Variants in FLT1 observed in about 807,000 individuals in gnomAD.
FLT1 encodes vascular endothelial growth factor receptor 1.
FLT1 carries 49 observed loss-of-function variants against 156.3 expected under a neutral mutation model. The observed-to-expected ratio is 0.31, with a 90% CI of 0.25 to 0.40. The LOEUF (loss-of-function observed/expected upper bound fraction) is 0.40. FLT1 is among the 10% of genes least tolerant of loss of function. The pLI, the probability that FLT1 is intolerant of heterozygous loss-of-function variation, is 1.00. For missense variants in FLT1, 1,322 were observed against 1,637.2 expected, an observed-to-expected ratio of 0.81 and a Z score of 3.32; for synonymous variants, 594 against 583.8, an observed-to-expected ratio of 1.02 and a Z score of -0.25.
intron 15 of FLT1, among the ~76,000 whole-genome samples, chr13:28,354,736 A>G (rs1358091710): frequency 6.6e-6 from 1 of 152,190 alleles, no homozygotes; most frequent in Non-Finnish European, 1.5e-5. Flanking sequence ...CCAAAAAACT[A>G]CAAAAAGCAG....
chr13:28,343,222 A>G (rs1872413516), intron 16 of FLT1, among the ~76,000 whole-genome samples: 1 of 151,736 alleles, frequency 6.6e-6, no homozygotes, highest in South Asian at 2.1e-4. Context: ...ACCTCAGGTG[A>G]TCCACCCACC....
intron 11 of FLT1, among the ~76,000 whole-genome samples, chr13:28,402,789 A>G (rs1875534079): frequency 6.6e-6 from 1 of 151,842 alleles, no homozygotes; most frequent in Non-Finnish European, 1.5e-5. Context: ...ACGTTATGTT[A>G]TTTATTTATT....
intron 3 of FLT1, among the ~76,000 whole-genome samples, chr13:28,463,567 C>T (rs150183256): frequency 6.6e-6 from 1 of 152,148 alleles, no homozygotes; most frequent in Admixed American, 6.5e-5. Context: ...GGGCTGAAAT[C>T]CCCCAAACAT....
At chr13:28,435,156 C>G (rs901535037) in intron 4 of FLT1, among the ~76,000 whole-genome samples, 8 of 152,176 alleles carry the variant, frequency 5.3e-5, no homozygotes, top group African/African-American at 1.7e-4. Flanking sequence ...AAGGAAACTC[C>G]CAGAAGCTGA....
intron 1 of FLT1, among the ~76,000 whole-genome samples, chr13:28,482,206 C>A (rs554252497): frequency 1.3e-5 from 2 of 152,266 alleles, no homozygotes; most frequent in East Asian, 3.9e-4. Context: ...GTAATCCCAA[C>A]ACTCTGGGAG....
intron 3 of FLT1, among the ~76,000 whole-genome samples, chr13:28,460,673 C>CA (rs1265774214): frequency 4.3e-5 from 6 of 139,882 alleles, no homozygotes; most frequent in South Asian, 2.7e-4. Flanking sequence ...CCCACCCCCC[C>CA]AAAAAATCAC....
intron 14 of FLT1, among the ~76,000 whole-genome samples, chr13:28,372,071 TATATA>T (rs1285578775): frequency 4.5e-3 from 130 of 28,658 alleles, no homozygotes; most frequent in Admixed American, 0.036. Context: ...TATATATATA[TATATA>T]TTTTTTTTTT....
Position 28,317,617 on chromosome 13 carries a change from A to G in FLT1, c.3287-20T>C, listed in dbSNP as rs201425438. The stretch of plus-strand genomic sequence containing the variant: ...ACCCACCTGCGGGAGACAATGTGGA[A>G]AACACAGGGCCTGTTATGGCTTAAG... On this transcript the variant is annotated intron_variant, in intron 24 of 29. Transcript: ENST00000282397. The G allele has an allele frequency of 5.3e-4, 804 of 1,509,964 alleles. 1 individual carries two copies. The highest frequency in any genetic ancestry group is 6.3e-4 in the Non-Finnish European group (679 of 1,084,748). 93.5% of individuals were successfully genotyped at this position (1,509,964 alleles called of 1,614,324 possible).
intron 1 of FLT1, among the ~76,000 whole-genome samples, chr13:28,488,583 G>A (rs978042118): frequency 6.6e-6 from 1 of 152,206 alleles, no homozygotes; most frequent in African/African-American, 2.4e-5. Context: ...AGCACACAGA[G>A]AGAAGCACGT....
In FLT1 at chr13:28,386,888, C is replaced by T. The variant is rs529664912; in HGVS notation, c.1970-1857G>A. The T allele has an allele frequency of 5.7e-6, 6 of 1,047,418 alleles. No individual in the cohort carries two copies. In the African/African-American group the frequency reaches 1.0e-4, roughly 17 times the overall value. 64.9% of individuals were successfully genotyped at this position (1,047,418 alleles called of 1,614,324 possible). A position where few individuals can be genotyped will look rare whatever the true frequency, so the allele number is the denominator to read the frequency against. On this transcript the variant is annotated intron_variant, in intron 13 of 29. Coordinates refer to ENST00000282397, the MANE Select transcript of FLT1 (RefSeq NM_002019.4). ...ACTGAGTTATACTTTTAATAGCTTC[C>T]TCAGCACACTATTTCCCATGCATTA...
At chr13:28,442,742 G>A (rs777536670) in intron 3 of FLT1, among the ~76,000 whole-genome samples, 1 of 143,944 alleles carries the variant, frequency 6.9e-6, no homozygotes, top group African/African-American at 2.7e-5. Context: ...ACGAACACAC[G>A]AACAATACTC....
chr13:28,442,694 C>T (rs1002290131), intron 3 of FLT1, among the ~76,000 whole-genome samples: 2 of 127,424 alleles, frequency 1.6e-5, no homozygotes, highest in African/African-American at 3.4e-5. Flanking sequence ...GAGCATATGA[C>T]TGTAGATACA....
At chr13:28,398,104 A>G (rs1875177190) in intron 11 of FLT1, among the ~76,000 whole-genome samples, 1 of 152,240 alleles carries the variant, frequency 6.6e-6, no homozygotes, top group African/African-American at 2.4e-5. Flanking sequence ...CTTGCATTAA[A>G]AAGTAGTGTA....
chr13:28,481,234 C>A (rs998508032), intron 1 of FLT1, among the ~76,000 whole-genome samples: 1 of 152,138 alleles, frequency 6.6e-6, no homozygotes, highest in Admixed American at 6.5e-5. Context: ...TCCTGGGAAG[C>A]AATTCTCTAG....
intron 3 of FLT1, among the ~76,000 whole-genome samples, chr13:28,453,006 TCCCCTCCCCCTC>T (rs1314633936): frequency 1.6e-3 from 6 of 3,834 alleles, no homozygotes; most frequent in African/African-American, 4.5e-3. Flanking sequence ...CTTCCTTTCC[TCCCCTCCCCCTC>T]CCCCTCCCCT....
intron 12 of FLT1, among the ~76,000 whole-genome samples, chr13:28,395,338 G>A (rs1369905960): frequency 1.3e-5 from 2 of 152,064 alleles, no homozygotes; most frequent in Admixed American, 1.3e-4. Context: ...CTCTCTTCCT[G>A]TTCAGGTCCT....
At chr13:28,473,593 C>T (rs1355935355) in intron 1 of FLT1, among the ~76,000 whole-genome samples, 8 of 149,702 alleles carry the variant, frequency 5.3e-5, no homozygotes, top group African/African-American at 2.0e-4. Context: ...TGCAGTGAGC[C>T]AAGACTGCGC....
At chr13:28,383,823 C>T (rs1874193074) in intron 14 of FLT1, among the ~76,000 whole-genome samples, 1 of 152,072 alleles carries the variant, frequency 6.6e-6, no homozygotes, top group Non-Finnish European at 1.5e-5. Flanking sequence ...CAGAGTGAGA[C>T]TGTCTCAAAA....
chr13:28,351,999 A>G (rs1033192725), intron 15 of FLT1, among the ~76,000 whole-genome samples: 4 of 152,240 alleles, frequency 2.6e-5, no homozygotes, highest in African/African-American at 4.8e-5. Flanking sequence ...CCATTTTACA[A>G]TGAGAGACTG....
Sources: gnomAD v4.1 joint callset for allele counts (sites outside exome capture counted in the v4.1 genomes callset) on GRCh38, gnomAD v4.1.1 for gene constraint, MANE v1.5 for transcripts, NCBI Gene and HGNC (gene_info 2026-07-23, HGNC 2026-07-21) for gene names.